MERTK: variants seen among roughly 807,000 people sequenced by gnomAD.
The protein encoded by MERTK is MER proto-oncogene, tyrosine kinase, also known as tyrosine-protein kinase Mer.
A neutral mutation model predicts 99.3 loss-of-function variants in MERTK; 69 were observed. That is an observed-to-expected ratio of 0.70 (90% CI 0.57 to 0.85). The LOEUF (loss-of-function observed/expected upper bound fraction) is 0.85, where lower values mean the gene tolerates loss of function less well. Among genes scored for constraint, MERTK ranks in the 40% least tolerant of loss-of-function variants. The pLI is 0.00. For missense variants in MERTK, 1,125 were observed against 1,249.4 expected (o/e 0.90, Z 1.50); for synonymous variants, 426 against 467.6 (o/e 0.91, Z 1.15).
intron 16 of MERTK, 38 bp from the exon 17 acceptor site, chr2:112,021,384 C>A (rs767303558): frequency 4.3e-6 from 7 of 1,611,092 alleles, no homozygotes; most frequent in Non-Finnish European, 5.9e-6. Flanking sequence ...TAAGGCATTG[C>A]CTCTGACGCT....
intron 1 of MERTK, among the ~76,000 whole-genome samples, chr2:111,901,340 A>ATATTTCTT (rs550993064): frequency 1.1e-3 from 168 of 152,300 alleles, no homozygotes; most frequent in Non-Finnish European, 1.8e-3. Flanking sequence ...TTTAATGTTA[A>ATATTTCTT]TATTTCTTTT....
chr2:111,979,223 T>C (rs563663787), intron 7 of MERTK, among the ~76,000 whole-genome samples: 10 of 152,328 alleles, frequency 6.6e-5, no homozygotes, highest in African/African-American at 2.2e-4. Flanking sequence ...GTAAAGATTG[T>C]GGGAACTTGC....
intron 6 of MERTK, among the ~76,000 whole-genome samples, chr2:111,972,006 C>T (rs1656215296): frequency 6.6e-6 from 1 of 152,190 alleles, no homozygotes; most frequent in Non-Finnish European, 1.5e-5. Flanking sequence ...GGGCCTCTTT[C>T]CCTAGAGGTA....
At chr2:111,998,871 A>G (rs1244463855) in intron 10 of MERTK, among the ~76,000 whole-genome samples, 1 of 152,230 alleles carries the variant, frequency 6.6e-6, no homozygotes, top group Non-Finnish European at 1.5e-5. Context: ...GTAACAGGTT[A>G]TTGTTATCTA....
chr2:111,969,028 C>T (rs2104726374), intron 6 of MERTK, among the ~76,000 whole-genome samples: 1 of 152,288 alleles, frequency 6.6e-6, no homozygotes, highest in South Asian at 2.1e-4. Context: ...CATTGCAGGC[C>T]TTGTGGAATC....
At chr2:111,975,539 G>A (rs1676229733) in intron 7 of MERTK, 67 bp downstream of exon 7, 1 of 1,532,440 alleles carries the variant, frequency 6.5e-7, no homozygotes, top group Non-Finnish European at 9.0e-7. Flanking sequence ...CCTTCCCAGT[G>A]GCCTGACTGA....
intron 7 of MERTK, among the ~76,000 whole-genome samples, chr2:111,976,400 C>T (rs1490955585): frequency 6.6e-5 from 10 of 152,050 alleles, no homozygotes; most frequent in Non-Finnish European, 1.0e-4. Context: ...GAAAGGAGGG[C>T]GGGAAGAGGT....
chr2:111,923,376 G>T (rs1208144751), intron 1 of MERTK, among the ~76,000 whole-genome samples: 1 of 152,180 alleles, frequency 6.6e-6, no homozygotes, highest in South Asian at 2.1e-4. Flanking sequence ...TCTGGTCAAG[G>T]GCTGCATGGT....
intron 1 of MERTK, among the ~76,000 whole-genome samples, chr2:111,925,242 A>G (rs541946903): frequency 4.4e-4 from 61 of 139,314 alleles, no homozygotes; most frequent in African/African-American, 1.6e-3. Flanking sequence ...AAATCATTCT[A>G]TCAACTTCTG....
At position 111,968,144 on chromosome 2, in the gene MERTK, C is replaced by T. The variant is rs931976098; in HGVS notation, c.852C>T (p.Pro284=). The part of the protein sequence containing the change: ...KGVQINIKAI[P]SPPTEVSIRN... ...GTGTTTTGTTTTATGCAGCAATTCC[C>T]TCCCCACCAACTGAAGTCAGCATCC... The change falls in exon 6 of 19, where the codon CCC becomes CCT. Residue 284 remains proline, a synonymous_variant. Coordinates refer to ENST00000295408, the MANE Select transcript of MERTK (RefSeq NM_006343.3). The T allele has an allele frequency of 6.2e-7, 1 of 1,612,598 alleles. No homozygotes were observed. The highest frequency in any genetic ancestry group is 2.2e-5 in the East Asian group (1 of 44,876).
At position 112,022,112 on chromosome 2, in the gene MERTK, C is replaced by T. The variant is rs186901647; in HGVS notation, c.2350-146C>T. 121 of 1,087,680 alleles carry T rather than the reference C, an allele frequency of 1.1e-4. 2 individuals carry two copies. The highest frequency in any genetic ancestry group is 8.1e-4 in the East Asian group (32 of 39,350). 67.4% of individuals were successfully genotyped at this position (1,087,680 alleles called of 1,614,324 possible). A position where few individuals can be genotyped will look rare whatever the true frequency, so the allele number is the denominator to read the frequency against. On this transcript the variant is annotated intron_variant, in intron 17 of 18. Coordinates refer to ENST00000295408, the MANE Select transcript of MERTK (RefSeq NM_006343.3). ...ACACTCCAACCCCACGTTATTGCCG[C>T]GTTGGGAGAGCAGTGCGTCTCACAC...
At chr2:112,000,632 G>A (rs985834272) in intron 10 of MERTK, among the ~76,000 whole-genome samples, 3 of 152,172 alleles carry the variant, frequency 2.0e-5, no homozygotes, top group African/African-American at 7.2e-5. Context: ...ATATTAACAT[G>A]ATGTATCACT....
At chr2:112,012,355 TC>T (rs1215688036) in intron 15 of MERTK, among the ~76,000 whole-genome samples, 1 of 139,880 alleles carries the variant, frequency 7.1e-6, no homozygotes. Flanking sequence ...GAAGCCACAT[TC>T]CTTCTAAAAG....
At chr2:111,956,497 A>G (rs1404587620) in intron 4 of MERTK, among the ~76,000 whole-genome samples, 1 of 152,186 alleles carries the variant, frequency 6.6e-6, no homozygotes, top group Admixed American at 6.5e-5. Flanking sequence ...GAAACAGCTA[A>G]GCTAGCTTTT....
Position 111,905,250 on chromosome 2 carries a change from A to G in MERTK, c.61+6454A>G, listed in dbSNP as rs143628282. 5.3e-3 allele frequency among the ~76,000 whole-genome samples: 809 copies of G among 152,048 alleles called. 8 individuals are homozygous for G. Among genetic ancestry groups the G allele is most frequent in the African/African-American group, 0.019 (780 of 41,480 alleles). ...TCTGCAGCTGGACAGCCATCCCTTCATGGGAGCTGCCACATTTTCACTCTC... is the reference window on the plus strand; with the variant it reads ...TCTGCAGCTGGACAGCCATCCCTTCGTGGGAGCTGCCACATTTTCACTCTC... On this transcript the variant is annotated intron_variant, in intron 1 of 18. Coordinates refer to ENST00000295408, the MANE Select transcript of MERTK (RefSeq NM_006343.3).
Position 112,029,383 on chromosome 2 carries a change from A to T in MERTK, c.*519A>T, listed in dbSNP as rs2104430679. The T allele has an allele frequency of 1.1e-6, 1 of 929,138 alleles. No homozygotes were observed. The highest frequency in any genetic ancestry group is 5.0e-5 in the South Asian group (1 of 20,094). 57.6% of individuals were successfully genotyped at this position (929,138 alleles called of 1,614,324 possible). On this transcript the variant is annotated 3_prime_UTR_variant, in exon 19 of 19. Coordinates refer to ENST00000295408, the MANE Select transcript of MERTK (RefSeq NM_006343.3). ...GAATAAGGAAGGATATGTTGAACTT[A>T]CTTGAGACTTGAAAGACAGTGGTCG...
At chr2:111,977,484 C>T (rs1305283954) in intron 7 of MERTK, among the ~76,000 whole-genome samples, 2 of 152,068 alleles carry the variant, frequency 1.3e-5, no homozygotes, top group Non-Finnish European at 2.9e-5. Context: ...CCTATTTTTA[C>T]CCTTATCACT....
At chr2:111,949,568 AAATCCCAT>A (rs1433830776) in intron 4 of MERTK, among the ~76,000 whole-genome samples, 4 of 152,204 alleles carry the variant, frequency 2.6e-5, no homozygotes, top group Non-Finnish European at 5.9e-5. Context: ...GATCACTCTG[AAATCCCAT>A]AAAGACTTAT....
At chr2:112,028,209 CA>C in intron 18 of MERTK, 141 bp from the exon 19 acceptor site, 4 of 935,568 alleles carry the variant, frequency 4.3e-6, no homozygotes, top group Non-Finnish European at 3.2e-6. Flanking sequence ...ATTAGGCCAC[CA>C]AAAAAGTCTC....
Sources: gnomAD v4.1 joint callset for allele counts (sites outside exome capture counted in the v4.1 genomes callset) on GRCh38, gnomAD v4.1.1 for gene constraint, MANE v1.5 for transcripts, NCBI Gene and HGNC (gene_info 2026-07-23, HGNC 2026-07-21) for gene names.